Variants in SLC10A1 observed in about 807,000 individuals in gnomAD.
SLC10A1 encodes hepatic sodium/bile acid cotransporter.
SLC10A1 carries 36 observed loss-of-function variants against 20.5 expected under a neutral mutation model. The ratio of observed to expected loss-of-function variants is 1.75; its 90% CI spans 1.34 to 2.32. The LOEUF is 2.32. SLC10A1 is among the 30% of genes most tolerant of loss of function. SLC10A1 has a pLI of 0.00. For missense variants in SLC10A1, 545 were observed against 439.1 expected (o/e 1.24, Z -2.16); for synonymous variants, 188 against 163.6 (o/e 1.15, Z -1.14).
chr14:69,793,832 A>G (rs1390331532), intron 1 of SLC10A1, among the ~76,000 whole-genome samples: 1 of 152,228 alleles, frequency 6.6e-6, no homozygotes, highest in Non-Finnish European at 1.5e-5. Context: ...CTGACAAGCC[A>G]TACTCACTTC....
At chr14:69,783,594 G>T (rs1883646927) in intron 2 of SLC10A1, among the ~76,000 whole-genome samples, 1 of 152,220 alleles carries the variant, frequency 6.6e-6, no homozygotes, top group African/African-American at 2.4e-5. Flanking sequence ...GGTGAGGTCA[G>T]TTGAAACCAA....
Position 69,786,202 on chromosome 14 carries a change from C to A in SLC10A1, c.462G>T (p.Val154=). Residue 154 remains valine, a synonymous_variant, in exon 2 of 5, where the codon GTG becomes GTT. Coordinates refer to ENST00000216540, the MANE Select transcript of SLC10A1 (RefSeq NM_003049.4). ...GTGATATCACGATGCCTTTATAGGG[C>A]ACCTTGTCCTTCAGGTCCCCATCAT... The part of the protein sequence containing the change: ...GIYDGDLKDK[V]PYKGIVISLV... 1.2e-6 allele frequency: 2 copies of A among 1,613,884 alleles called. No homozygotes were observed. Among genetic ancestry groups the A allele is most frequent in the East Asian group, 2.2e-5 (1 of 44,874 alleles).
At chr14:69,777,609 A>ATTTTTTTT (rs1209960018) in intron 4 of SLC10A1, among the ~76,000 whole-genome samples, 2 of 79,664 alleles carry the variant, frequency 2.5e-5, no homozygotes, top group Non-Finnish European at 5.4e-5. Flanking sequence ...TTTTTTTAAA[A>ATTTTTTTT]TTGGTGTTAA....
At position 69,791,363 on chromosome 14, in the gene SLC10A1, T is replaced by C. The variant is rs373338004; in HGVS notation, c.357-5056A>G. 4.5e-4 allele frequency among the ~76,000 whole-genome samples: 68 copies of C among 151,982 alleles called. 2 individuals carry two copies. The South Asian group carries it at 7.3e-3, about 16-fold the overall frequency. On this transcript the variant is annotated intron_variant, in intron 1 of 4. Coordinates refer to ENST00000216540, the MANE Select transcript of SLC10A1 (RefSeq NM_003049.4). ...TCACCCAGGTTGGAGTGCAGTGGTGTGATCTTGGCTCACTGCAAGCTCTGC... is the reference window on the plus strand; with the variant it reads ...TCACCCAGGTTGGAGTGCAGTGGTGCGATCTTGGCTCACTGCAAGCTCTGC...
At chr14:69,776,560 C>T (rs924562734) in intron 4 of SLC10A1, among the ~76,000 whole-genome samples, 172 bp from the exon 5 acceptor site, 2 of 152,190 alleles carry the variant, frequency 1.3e-5, no homozygotes, top group African/African-American at 2.4e-5. Context: ...TCACTTTCCC[C>T]TCAGTCTCCC....
chr14:69,786,436 C>T, intron 1 of SLC10A1, 129 bp from the exon 2 acceptor site: 4 of 690,848 alleles, frequency 5.8e-6, no homozygotes, highest in Non-Finnish European at 7.7e-6. Context: ...TTCCCCATAA[C>T]ATTAGGCAGT....
chr14:69,779,254 G>T lies in SLC10A1; in HGVS notation c.674C>A (p.Thr225Asn). ...MFAMTPLLIA[T>N]SSLMPFIGFL... ...GCCAATAAAAGGCATCAGGGAGGAGGTGGCAATCAAGAGTGGTGTCATGGC... is the reference window on the plus strand; with the variant it reads ...GCCAATAAAAGGCATCAGGGAGGAGTTGGCAATCAAGAGTGGTGTCATGGC... The change falls in exon 3 of 5, where the codon ACC (threonine) becomes AAC (asparagine). Residue 225 changes from threonine (T) to asparagine (N), a missense_variant. Thr to Asn is a moderately conservative substitution (Grantham distance 65). Coordinates refer to ENST00000216540, the MANE Select transcript of SLC10A1 (RefSeq NM_003049.4). 1.2e-6 allele frequency: 2 copies of T among 1,613,964 alleles called. No individual in the cohort carries two copies. The highest frequency in any genetic ancestry group is 1.7e-6 in the Non-Finnish European group (2 of 1,179,962).
In SLC10A1 at chr14:69,797,034, G is replaced by A. The variant is rs111885789; in HGVS notation, c.122C>T (p.Ser41Leu). 641 of 1,614,080 alleles carry A rather than the reference G, an allele frequency of 4.0e-4. No homozygotes were observed. Among genetic ancestry groups the A allele is most frequent in the Non-Finnish European group, 4.7e-4 (552 of 1,180,038 alleles). ...LVFMLFFIML[S>L]LGCTMEFSKI... is the part of the protein sequence containing the mutation. Reference sequence around the variant, plus strand: ...GCTGAACTCCATGGTGCAGCCCAGCGAGAGCATGATGAAGAACAACATGAA... The same window carrying A: ...GCTGAACTCCATGGTGCAGCCCAGCAAGAGCATGATGAAGAACAACATGAA... Residue 41 changes from serine (S) to leucine (L), a missense_variant, in exon 1 of 5, where the codon TCG becomes TTG. Coordinates refer to ENST00000216540, the MANE Select transcript of SLC10A1 (RefSeq NM_003049.4).
At chr14:69,790,799 A>G (rs1200350745) in intron 1 of SLC10A1, among the ~76,000 whole-genome samples, 1 of 152,122 alleles carries the variant, frequency 6.6e-6, no homozygotes, top group African/African-American at 2.4e-5. Context: ...CAGCAAAACA[A>G]GAAATAGAAA....
intron 1 of SLC10A1, among the ~76,000 whole-genome samples, chr14:69,788,584 G>T (rs914474795): frequency 6.7e-6 from 1 of 148,882 alleles, no homozygotes; most frequent in African/African-American, 2.5e-5. Context: ...TTGCTCTGTC[G>T]CCCAGGCTGG....
At chr14:69,778,656 T>C in intron 3 of SLC10A1, 127 bp from the exon 4 acceptor site, 1 of 720,608 alleles carries the variant, frequency 1.4e-6, no homozygotes, top group South Asian at 2.4e-5. Context: ...TACTTTGCTA[T>C]TGCTGCTGGT....
Position 69,797,092 on chromosome 14 carries a change from G to A in SLC10A1, c.64C>T (p.Pro22Ser). The change falls in exon 1 of 5, where the codon CCC becomes TCC. Residue 22 changes from proline to serine, a missense_variant. Transcript: ENST00000216540. The stretch of plus-strand genomic sequence containing the variant: ...ATGACGCTCAGTGCCAGGTCTGTGG[G>A]GCGCTTGCCAAAGTTGGGTGGCAGG... The part of the protein sequence containing the change: ...FTLPPNFGKR[P>S]TDLALSVILV... 1 of 1,614,128 alleles carries A rather than the reference G, an allele frequency of 6.2e-7. No homozygotes were observed. Among genetic ancestry groups the A allele is most frequent in the Non-Finnish European group, 8.5e-7 (1 of 1,180,024 alleles).
intron 1 of SLC10A1, among the ~76,000 whole-genome samples, chr14:69,792,788 A>G (rs1325424995): frequency 1.3e-5 from 2 of 151,444 alleles, no homozygotes; most frequent in Admixed American, 6.6e-5. Context: ...ACTGCACAGC[A>G]GTTCAGATAC....
chr14:69,794,873 G>A (rs1321235398), intron 1 of SLC10A1, among the ~76,000 whole-genome samples: 1 of 152,232 alleles, frequency 6.6e-6, no homozygotes, highest in Non-Finnish European at 1.5e-5. Context: ...CAGAGGCTCT[G>A]CCTGGGTGGG....
Position 69,786,126 on chromosome 14 carries a change from G to C in SLC10A1, c.538C>G (p.Arg180Gly). The C allele has an allele frequency of 6.2e-7, 1 of 1,614,132 alleles. No homozygotes were observed. The highest frequency in any genetic ancestry group is 1.1e-5 in the South Asian group (1 of 91,082). The change falls in exon 2 of 5, where the codon CGG becomes GGG. Residue 180 changes from arginine to glycine, a missense_variant. Coordinates refer to ENST00000216540, the MANE Select transcript of SLC10A1 (RefSeq NM_003049.4). ...ATGACATAGCGCATGTATTGTGGCC[G>C]TTTGGATTTGAGGACGATCCCTATG... ...CTIGIVLKSK[R>G]PQYMRYVIKG...
chr14:69,779,620 C>T (rs906019174), intron 2 of SLC10A1, among the ~76,000 whole-genome samples: 1 of 152,162 alleles, frequency 6.6e-6, no homozygotes, highest in Non-Finnish European at 1.5e-5. Context: ...CTGCCTTGGC[C>T]TTCCAAAGTG....
At position 69,779,174 on chromosome 14, in the gene SLC10A1, ATACC is replaced by A. The variant is rs774852163; in HGVS notation, c.746+4_746+7del. 3 of 1,560,712 alleles carry A rather than the reference ATACC, an allele frequency of 1.9e-6. No individual in the cohort carries two copies. The highest frequency in any genetic ancestry group is 2.6e-6 in the Non-Finnish European group (3 of 1,159,106). ...AGACCCTTTCTTAAAAAAAAAAAAA[ATACC>A]TACCGTCCATTGAGGCAGAAGAGAG... On this transcript the variant is annotated splice_donor_5th_base_variant and intron_variant, in intron 3 of 4. Transcript: ENST00000216540.
intron 1 of SLC10A1, among the ~76,000 whole-genome samples, chr14:69,793,050 G>C (rs1183630921): frequency 6.6e-6 from 1 of 152,172 alleles, no homozygotes; most frequent in East Asian, 1.9e-4. Context: ...AGGAATACAG[G>C]GGGTTTCAAT....
intron 1 of SLC10A1, among the ~76,000 whole-genome samples, chr14:69,793,537 G>C (rs1401004393): frequency 1.3e-5 from 2 of 152,182 alleles, no homozygotes; most frequent in African/African-American, 4.8e-5. Flanking sequence ...GCACAGATTG[G>C]AGGCAGAAGC....
Sources: allele counts gnomAD v4.1 joint callset (sites outside exome capture counted in the v4.1 genomes callset), GRCh38; gene constraint gnomAD v4.1.1; transcripts MANE v1.5; gene names NCBI Gene and HGNC (gene_info 2026-07-23, HGNC 2026-07-21).